The following COLEC12 variants were observed in gnomAD, a reference collection of about 807,000 sequenced individuals.
COLEC12 encodes the protein collectin-12.
A neutral mutation model predicts 71.1 loss-of-function variants in COLEC12; 33 were observed. The observed-to-expected ratio is 0.46, with a 90% confidence interval of 0.35 to 0.62. COLEC12 has a LOEUF of 0.62. COLEC12 is among the 20% of genes least tolerant of loss of function. The pLI is 0.00. For missense variants in COLEC12, 765 were observed against 916.1 expected (o/e 0.84, Z 2.13); for synonymous variants, 350 against 353.0 (o/e 0.99, Z 0.10).
chr18:361,097 C>T (rs551282610), intron 2 of COLEC12, among the ~76,000 whole-genome samples: 1 of 152,254 alleles, frequency 6.6e-6, no homozygotes, highest in South Asian at 2.1e-4. Flanking sequence ...AGTCACAGGC[C>T]TTGTGGGCTA....
rs867897401 is a variant in COLEC12 at position 327,413 on chromosome 18, G to A, written c.2063+4255C>T. 4.6e-5 allele frequency among the ~76,000 whole-genome samples: 7 copies of A among 152,092 alleles called. No homozygotes were observed. Among genetic ancestry groups the A allele is most frequent in the Non-Finnish European group, 4.4e-5 (3 of 68,032 alleles). On this transcript the variant is annotated intron_variant, in intron 8 of 9. Transcript: ENST00000400256. This position sits in a 1 kb window ranked among gnomAD's most constrained non-coding sequence, Gnocchi z 4.0. ...TGGGGACCCATCCTTGGAACTGTCCGGGCCATTGCAGGTGGCATCTCACGC... is the reference window on the plus strand; with the variant it reads ...TGGGGACCCATCCTTGGAACTGTCCAGGCCATTGCAGGTGGCATCTCACGC...
rs1913899653 is a variant in COLEC12, at chr18:328,601, C to T, written c.2063+3067G>A. ...GCAGGTACTATTTCTTGAGCACTTC[C>T]TATGTGCCAAGCCCTCGACTAAATG... On this transcript the variant is annotated intron_variant, in intron 8 of 9. Transcript: ENST00000400256. Among the ~76,000 whole-genome samples the T allele has an allele frequency of 2.0e-5, 3 of 152,174 alleles. No individual in the cohort carries two copies. The South Asian group carries it at 6.2e-4, about 31-fold the overall frequency.
chr18:349,426 C>T (rs684417), intron 3 of COLEC12, among the ~76,000 whole-genome samples: 61,565 of 152,110 alleles, frequency 0.4, 13,327 homozygotes, highest in East Asian at 0.74. Flanking sequence ...CTCTTGGATA[C>T]CCAGGGAGAG....
At chr18:363,036 G>C (rs13381966) in intron 2 of COLEC12, among the ~76,000 whole-genome samples, 10,719 of 152,138 alleles carry the variant, frequency 0.07, 536 homozygotes, top group African/African-American at 0.13. Flanking sequence ...AGCTGGCAGG[G>C]GGGGAATGGG....
At chr18:348,906 T>C (rs958470294) in intron 3 of COLEC12, among the ~76,000 whole-genome samples, 2 of 152,202 alleles carry the variant, frequency 1.3e-5, no homozygotes, top group Non-Finnish European at 2.9e-5. Context: ...CACCTTGAAT[T>C]ATACTCCCCT....
At position 441,385 on chromosome 18, in the gene COLEC12, G is replaced by A. The variant is rs552787887; in HGVS notation, c.58+39322C>T. 6.3e-4 allele frequency among the ~76,000 whole-genome samples: 96 copies of A among 152,252 alleles called. No individual in the cohort carries two copies. In the South Asian group the frequency reaches 7.9e-3, roughly 12 times the overall value. ...GACCATCTTTGGAAACTATCTTCAA[G>A]GAACACACTTTGAGAAACACTGGGC... On this transcript the variant is annotated intron_variant, in intron 2 of 9. Transcript: ENST00000400256.
intron 8 of COLEC12, among the ~76,000 whole-genome samples, chr18:326,947 G>T (rs147529738): frequency 6.6e-6 from 1 of 152,288 alleles, no homozygotes; most frequent in East Asian, 1.9e-4. Flanking sequence ...CTGGAAACCT[G>T]CCTTTTTAAA....
chr18:458,526 C>T (rs1312203697), intron 2 of COLEC12, among the ~76,000 whole-genome samples: 1 of 152,244 alleles, frequency 6.6e-6, no homozygotes, highest in Non-Finnish European at 1.5e-5. Context: ...ACTGCTGTTC[C>T]TGGTTGTCCA....
At chr18:333,463 T>C (rs1914030993) in intron 6 of COLEC12, 3 of 208,548 alleles carry the variant, frequency 1.4e-5, no homozygotes, top group Non-Finnish European at 2.9e-5. Flanking sequence ...ATGTTCAGCG[T>C]CAGTCTGGAA....
In COLEC12 at chr18:470,973, G is replaced by A. The variant is rs1262703852; in HGVS notation, c.58+9734C>T. ...ATTAGAGATTACAGGGCATCTTCAG[G>A]CCTTGGGAATAAGAATGCAGTCTGG... On this transcript the variant is annotated intron_variant, in intron 2 of 9. Transcript: ENST00000400256. Among the ~76,000 whole-genome samples, 5 of 136,676 alleles carry A rather than the reference G, an allele frequency of 3.7e-5. No individual in the cohort carries two copies. The East Asian group carries it at 1.3e-3, about 37-fold the overall frequency. The allele number at this position is 136,676 out of a possible 152,430, so 89.7% of individuals were successfully genotyped here. A position where few individuals can be genotyped will look rare whatever the true frequency, so the allele number is the denominator to read the frequency against.
intron 2 of COLEC12, among the ~76,000 whole-genome samples, chr18:389,204 C>G (rs555087646): frequency 8.5e-6 from 1 of 117,544 alleles, no homozygotes; most frequent in Non-Finnish European, 2.0e-5. Context: ...TACACACACA[C>G]ACAGACACAC....
At chr18:468,380 C>T (rs1917129343) in intron 2 of COLEC12, among the ~76,000 whole-genome samples, 1 of 152,084 alleles carries the variant, frequency 6.6e-6, no homozygotes, top group Admixed American at 6.5e-5. Flanking sequence ...AATCATCTAC[C>T]CTAACCCTTT....
chr18:481,784 CA>C (rs1434644320), intron 1 of COLEC12, among the ~76,000 whole-genome samples: 6 of 152,248 alleles, frequency 3.9e-5, no homozygotes, highest in Admixed American at 3.9e-4. Flanking sequence ...CTAAAGTAGA[CA>C]TGAGATTCCT....
Position 334,761 on chromosome 18 carries a change from G to A in COLEC12, c.1797C>T (p.Thr599=), listed in dbSNP as rs113099491. The A allele has an allele frequency of 6.8e-7, 1 of 1,473,882 alleles. No individual in the cohort carries two copies. The highest frequency in any genetic ancestry group is 8.9e-7 in the Non-Finnish European group (1 of 1,118,022). 91.3% of individuals were successfully genotyped at this position (1,473,882 alleles called of 1,614,324 possible). The change falls in exon 6 of 10, where the codon ACC becomes ACT. Residue 599 remains threonine, a synonymous_variant. Coordinates refer to ENST00000400256, the MANE Select transcript of COLEC12 (RefSeq NM_130386.3). The stretch of plus-strand genomic sequence containing the variant: ...ACTTACCATTGTCCTCCGGTGCTGG[G>A]GTTGGCTCATTCTGCAGGGCCAGGG... ...VVPLALQNEP[T]PAPEDNGCPP... is the part of the protein sequence containing the mutation.
intron 2 of COLEC12, among the ~76,000 whole-genome samples, chr18:364,847 G>A (rs764036028): frequency 5.3e-5 from 8 of 152,156 alleles, no homozygotes; most frequent in African/African-American, 7.2e-5. Context: ...CAACCCTGCA[G>A]AGTAGGAATT....
intron 2 of COLEC12, among the ~76,000 whole-genome samples, chr18:379,749 G>A (rs11081065): frequency 0.13 from 19,606 of 152,192 alleles, 1,450 homozygotes; most frequent in East Asian, 0.26. Context: ...CGAGAAAGCC[G>A]AAGTTGCCCA....
At chr18:353,053 G>A (rs1180220522) in intron 3 of COLEC12, among the ~76,000 whole-genome samples, 1 of 152,106 alleles carries the variant, frequency 6.6e-6, no homozygotes, top group African/African-American at 2.4e-5. Flanking sequence ...AATTCTCTAG[G>A]ATACTCTGAC....
intron 2 of COLEC12, among the ~76,000 whole-genome samples, chr18:434,668 C>A (rs1268392960): frequency 6.6e-6 from 1 of 152,196 alleles, no homozygotes; most frequent in Non-Finnish European, 1.5e-5. Context: ...CCTGAGATAT[C>A]TCCTCTCTCC....
chr18:351,994 G>A (rs985952361), intron 3 of COLEC12, among the ~76,000 whole-genome samples: 27 of 152,152 alleles, frequency 1.8e-4, no homozygotes, highest in Non-Finnish European at 5.9e-5. Flanking sequence ...GCAATCTGCC[G>A]GCTGAGCTAC....
Sources: allele counts gnomAD v4.1 joint callset (sites outside exome capture counted in the v4.1 genomes callset), GRCh38; gene constraint gnomAD v4.1.1; non-coding constraint Gnocchi (gnomAD v3.1); transcripts MANE v1.5; gene names NCBI Gene and HGNC (gene_info 2026-07-23, HGNC 2026-07-21).